Variants in RHBDL3 observed in about 807,000 individuals in gnomAD.
The protein encoded by RHBDL3 is rhomboid like 3.
RHBDL3 carries 28 observed loss-of-function variants against 48.2 expected under a neutral mutation model. The observed-to-expected ratio is 0.58, with a 90% CI of 0.43 to 0.80. The LOEUF (loss-of-function observed/expected upper bound fraction) is 0.80, where lower values mean the gene tolerates loss of function less well. RHBDL3 is among the 30% of genes least tolerant of loss of function. The pLI is 0.00. For missense variants in RHBDL3, 464 were observed against 542.7 expected (o/e 0.85, Z 1.44); for synonymous variants, 208 against 232.3 (o/e 0.90, Z 0.95).
rs113661904 is a variant in RHBDL3, at chr17:32,281,468, G to A, written c.136-3191G>A. On this transcript the variant is annotated intron_variant, in intron 2 of 8. Coordinates refer to ENST00000269051, the MANE Select transcript of RHBDL3 (RefSeq NM_138328.3). ...CAGGAGAGACTGCACAAGCTGTGCC[G>A]CAGACCAATGGCCCTCCTGCAGCCC... Among the ~76,000 whole-genome samples, 458 of 152,176 alleles carry A rather than the reference G, an allele frequency of 3.0e-3. 1 individual carries two copies. Among genetic ancestry groups the A allele is most frequent in the Non-Finnish European group, 3.8e-3 (257 of 67,970 alleles).
At chr17:32,309,127 C>G (rs4794917) in intron 7 of RHBDL3, among the ~76,000 whole-genome samples, 80,728 of 151,694 alleles carry the variant, frequency 0.53, 22,350 homozygotes, top group Non-Finnish European at 0.6. Flanking sequence ...AAATTCATAT[C>G]GTTCTACCTA....
At position 32,289,878 on chromosome 17, in the gene RHBDL3, C is replaced by T. The variant is rs114757544; in HGVS notation, c.519+862C>T. On this transcript the variant is annotated intron_variant, in intron 4 of 8. Coordinates refer to ENST00000269051, the MANE Select transcript of RHBDL3 (RefSeq NM_138328.3). ...TGTTCTTGTAAAGTTCCTGCCTAAT[C>T]AAAAGCTTCGCGGCATCCTTCTTTT... Among the ~76,000 whole-genome samples, 1,150 of 152,332 alleles carry T rather than the reference C, an allele frequency of 7.5e-3. 16 individuals carry two copies. The highest frequency in any genetic ancestry group is 0.026 in the African/African-American group (1,093 of 41,562).
At chr17:32,280,898 A>C (rs900858808) in intron 2 of RHBDL3, 3 of 152,594 alleles carry the variant, frequency 2.0e-5, no homozygotes, top group African/African-American at 7.3e-5. Context: ...CCCCATACCC[A>C]ATGTCAGCAC....
chr17:32,298,879 G>A (rs1175577488), intron 6 of RHBDL3, among the ~76,000 whole-genome samples: 1 of 152,192 alleles, frequency 6.6e-6, no homozygotes, highest in African/African-American at 2.4e-5. Flanking sequence ...ATGGATAGTG[G>A]CCAGAGTGAC....
intron 3 of RHBDL3, among the ~76,000 whole-genome samples, chr17:32,285,671 A>G (rs921029330): frequency 2.0e-5 from 3 of 152,204 alleles, no homozygotes; most frequent in Non-Finnish European, 2.9e-5. Flanking sequence ...GGGGTGAACA[A>G]GCAGGTTGAA....
chr17:32,293,742 AGCAC>A (rs2040386589), intron 4 of RHBDL3, among the ~76,000 whole-genome samples: 1 of 152,196 alleles, frequency 6.6e-6, no homozygotes, highest in Admixed American at 6.5e-5. Flanking sequence ...CTTTCTGCTT[AGCAC>A]GGAGGAAGTG....
intron 2 of RHBDL3, among the ~76,000 whole-genome samples, chr17:32,278,349 G>A (rs1296208832): frequency 1.3e-5 from 2 of 152,150 alleles, no homozygotes; most frequent in Non-Finnish European, 2.9e-5. Context: ...GAACAAGACA[G>A]AGAAAAACAA....
intron 2 of RHBDL3, among the ~76,000 whole-genome samples, chr17:32,276,573 C>T (rs2039903663): frequency 6.6e-6 from 1 of 152,102 alleles, no homozygotes; most frequent in Non-Finnish European, 1.5e-5. Flanking sequence ...AGTAATGAGG[C>T]AGGGGGCCAG....
intron 7 of RHBDL3, among the ~76,000 whole-genome samples, chr17:32,307,462 C>T (rs2040738213): frequency 6.6e-6 from 1 of 152,152 alleles, no homozygotes; most frequent in Non-Finnish European, 1.5e-5. Context: ...TGCTCCCAAC[C>T]CTGTCCCTTT....
Position 32,321,382 on chromosome 17 carries a change from A to G in RHBDL3, c.*153A>G. On this transcript the variant is annotated 3_prime_UTR_variant, in exon 9 of 9. Transcript: ENST00000269051. ...AATGTTTGTGTTTAGATTTGGACAC[A>G]CAGTGGAGACCCTTTTCTGAAAGGC... 1.3e-6 allele frequency: 2 copies of G among 1,536,308 alleles called. No individual in the cohort carries two copies. Among genetic ancestry groups the G allele is most frequent in the Non-Finnish European group, 1.7e-6 (2 of 1,146,402 alleles).
At chr17:32,276,606 AC>A (rs1305664768) in intron 2 of RHBDL3, among the ~76,000 whole-genome samples, 2 of 152,002 alleles carry the variant, frequency 1.3e-5, no homozygotes, top group Non-Finnish European at 2.9e-5. Context: ...GGTAACCTTC[AC>A]CAGACAGCTG....
chr17:32,288,684 G>T, intron 3 of RHBDL3, 108 bp from the exon 4 acceptor site: 1 of 721,576 alleles, frequency 1.4e-6, no homozygotes, highest in Non-Finnish European at 2.4e-6. Flanking sequence ...TAGGAGAAAG[G>T]GAAATGCGGG....
intron 2 of RHBDL3, among the ~76,000 whole-genome samples, chr17:32,278,282 G>A (rs1452607317): frequency 6.6e-6 from 1 of 152,168 alleles, no homozygotes; most frequent in Non-Finnish European, 1.5e-5. Context: ...TGGCGATAGA[G>A]TGAGACTCCA....
At position 32,305,389 on chromosome 17, in the gene RHBDL3, C is replaced by T; in HGVS notation, c.830C>T (p.Ser277Phe). ...GACATGACCGCTCCAGTCGTGGGCT[C>T]TTCTGGAGGGGTGTATGCTCTCGTC... ...VADMTAPVVGSSGGVYALVSA... is the reference protein window; with the variant it reads ...VADMTAPVVGFSGGVYALVSA... Residue 277 changes from serine to phenylalanine, a missense_variant, in exon 7 of 9, where the codon TCT (serine) becomes TTT (phenylalanine). By Grantham distance (155) the Ser-to-Phe change is radical. Transcript: ENST00000269051. The T allele has an allele frequency of 6.2e-7, 1 of 1,613,954 alleles. No individual in the cohort carries two copies. The highest frequency in any genetic ancestry group is 8.5e-7 in the Non-Finnish European group (1 of 1,179,884).
At chr17:32,284,844 CGGG>C (rs1176912496) in intron 3 of RHBDL3, 27 bp downstream of exon 3, 8 of 1,601,770 alleles carry the variant, frequency 5.0e-6, no homozygotes, top group Non-Finnish European at 6.8e-6. Context: ...CCTTGGTACT[CGGG>C]GGGACCTGTT....
intron 6 of RHBDL3, among the ~76,000 whole-genome samples, chr17:32,303,543 T>C (rs1207425925): frequency 6.6e-6 from 1 of 152,136 alleles, no homozygotes; most frequent in Non-Finnish European, 1.5e-5. Flanking sequence ...TATCTGACAA[T>C]AGATCAATAC....
At chr17:32,300,339 A>G (rs1048004468) in intron 6 of RHBDL3, among the ~76,000 whole-genome samples, 2 of 152,042 alleles carry the variant, frequency 1.3e-5, no homozygotes, top group Non-Finnish European at 2.9e-5. Context: ...CTTGAGCCCA[A>G]GAGTTCCAGG....
intron 2 of RHBDL3, among the ~76,000 whole-genome samples, chr17:32,280,024 A>G (rs781738187): frequency 2.0e-5 from 3 of 152,128 alleles, no homozygotes; most frequent in Non-Finnish European, 4.4e-5. Flanking sequence ...TGTGACCTAG[A>G]GGATTAGGGT....
chr17:32,307,903 C>G (rs564318575), intron 7 of RHBDL3, among the ~76,000 whole-genome samples: 50 of 152,196 alleles, frequency 3.3e-4, no homozygotes, highest in African/African-American at 8.7e-4. Context: ...CCTCCCATTC[C>G]GCCCAAGACT....
Sources: allele counts gnomAD v4.1 joint callset (sites outside exome capture counted in the v4.1 genomes callset), GRCh38; gene constraint gnomAD v4.1.1; transcripts MANE v1.5; gene names NCBI Gene and HGNC (gene_info 2026-07-23, HGNC 2026-07-21).